Variants in PNPLA6 observed in about 807,000 individuals in gnomAD.
PNPLA6 encodes the protein patatin-like phospholipase domain-containing protein 6.
Under a neutral mutation model 153.7 loss-of-function variants are expected in PNPLA6, and 105 were observed. The ratio of observed to expected loss-of-function variants is 0.68; its 90% CI spans 0.58 to 0.80. The LOEUF is 0.80. Among genes scored for constraint, PNPLA6 ranks in the 30% least tolerant of loss-of-function variants. PNPLA6 has a pLI of 0.00. For synonymous variants in PNPLA6, 825 were observed against 822.2 expected, an observed-to-expected ratio of 1.00 and a Z score of -0.06; for missense variants, 1,423 against 1,919.3, an observed-to-expected ratio of 0.74 and a Z score of 4.83.
Position 7,554,241 on chromosome 19 carries a change from C to T in PNPLA6, c.2434C>T (p.Arg812Trp). Residue 812 changes from arginine (R) to tryptophan (W), a missense_variant, in exon 20 of 32, where the codon CGG (arginine) becomes TGG (tryptophan). Arg to Trp is a moderately radical substitution (Grantham distance 101, BLOSUM62 -3). Transcript: ENST00000600737. ...GCTACTCCTTAACAGTGACATCATC[C>T]GGGCACGCCTGGGGGCCTCCGCACT... ...PTLLLNSDII[R>W]ARLGASALDS... 1.2e-6 allele frequency: 2 copies of T among 1,611,532 alleles called. No individual in the cohort carries two copies. The highest frequency in any genetic ancestry group is 8.5e-7 in the Non-Finnish European group (1 of 1,178,560).
In PNPLA6 at chr19:7,551,071, G is replaced by T. The variant is rs1425497937; in HGVS notation, c.2148G>T (p.Glu716Asp). ...ACACGGAGCTGGCCAAGCTTCCCGA[G>T]GGCACCTTGGGTCACATCAAACGCC... ...VRDTELAKLP[E>D]GTLGHIKRRY... Residue 716 changes from glutamate to aspartate, a missense_variant, in exon 17 of 32, where the codon GAG (glutamate) becomes GAT (aspartate). Coordinates refer to ENST00000600737, the MANE Select transcript of PNPLA6 (RefSeq NM_001166114.2). 9 of 1,549,638 alleles carry T rather than the reference G, an allele frequency of 5.8e-6. No homozygotes were observed. The highest frequency in any genetic ancestry group is 7.0e-6 in the Non-Finnish European group (8 of 1,146,806).
In PNPLA6 at chr19:7,547,822, T is replaced by A. The variant is rs374620614; in HGVS notation, c.1609-2085T>A. 7.3e-4 allele frequency among the ~76,000 whole-genome samples: 30 copies of A among 41,328 alleles called. 1 individual carries two copies. The highest frequency in any genetic ancestry group is 3.3e-3 in the Admixed American group (10 of 3,062). 27.1% of individuals were successfully genotyped at this position (41,328 alleles called of 152,430 possible). A position where few individuals can be genotyped will look rare whatever the true frequency, so the allele number is the denominator to read the frequency against. On this transcript the variant is annotated intron_variant, in intron 13 of 31. Coordinates refer to ENST00000600737, the MANE Select transcript of PNPLA6 (RefSeq NM_001166114.2). ...CTGGCTAATTAAAAATTTTTTTTTT[T>A]TTTTTTTTTTTTTTTTTTTTTGTAG...
chr19:7,554,787 G>C, intron 21 of PNPLA6, 64 bp downstream of exon 21: 1 of 1,595,412 alleles, frequency 6.3e-7, no homozygotes. Context: ...TCCCGTGCCT[G>C]CACCAGGCCA....
chr19:7,540,374 T>C lies in PNPLA6; in HGVS notation c.714+66T>C. On this transcript the variant is annotated intron_variant, in intron 5 of 31. Coordinates refer to ENST00000600737, the MANE Select transcript of PNPLA6 (RefSeq NM_001166114.2). This position sits in a 1 kb window ranked among gnomAD's most constrained non-coding sequence, Gnocchi z 6.8. ...GGTGGGGATGGGCAGCAGGCATTGG[T>C]CTGTAGAGCTGGTGGTCTTTGGAGA... The C allele has an allele frequency of 6.6e-7, 1 of 1,515,650 alleles. No homozygotes were observed. The highest frequency in any genetic ancestry group is 8.9e-7 in the Non-Finnish European group (1 of 1,121,702). 93.9% of individuals were successfully genotyped at this position (1,515,650 alleles called of 1,614,324 possible).
intron 1 of PNPLA6, 64 bp from the exon 2 acceptor site, chr19:7,536,127 C>T (rs1328988950): frequency 4.6e-6 from 7 of 1,532,600 alleles, no homozygotes; most frequent in Middle Eastern, 1.8e-4. Flanking sequence ...TTCGCGGTAC[C>T]CCAGCTCTGG....
rs1427050342 is a variant in PNPLA6 at position 7,561,608 on chromosome 19, CT to C, written c.*47del. ...CCCTCCCTCCCACCCCTGGACTGGG[CT>C]GGGGGTGGCCCCGTGGGGGTAGCTC... On this transcript the variant is annotated 3_prime_UTR_variant, in exon 32 of 32. Transcript: ENST00000600737. 1 of 1,376,594 alleles carries C rather than the reference CT, an allele frequency of 7.3e-7. No homozygotes were observed. The highest frequency in any genetic ancestry group is 2.5e-5 in the East Asian group (1 of 40,598). 85.3% of individuals were successfully genotyped at this position (1,376,594 alleles called of 1,614,324 possible).
Position 7,542,994 on chromosome 19 carries a change from C to A in PNPLA6, c.1531-13C>A. On this transcript the variant is annotated splice_polypyrimidine_tract_variant and intron_variant, in intron 12 of 31. Transcript: ENST00000600737. ...GCCTGGCTGCGCCCATCTCAACCCCCCTACCTCCCCAGGACCCCTCCCTCC... is the reference window on the plus strand; with the variant it reads ...GCCTGGCTGCGCCCATCTCAACCCCACTACCTCCCCAGGACCCCTCCCTCC... 2 of 1,613,986 alleles carry A rather than the reference C, an allele frequency of 1.2e-6. No homozygotes were observed. Among genetic ancestry groups the A allele is most frequent in the Non-Finnish European group, 1.7e-6 (2 of 1,179,970 alleles).
intron 13 of PNPLA6, among the ~76,000 whole-genome samples, chr19:7,544,658 T>TG (rs2023308878): frequency 6.6e-6 from 1 of 151,726 alleles, no homozygotes; most frequent in African/African-American, 2.4e-5. Flanking sequence ...GCCCCAGGCT[T>TG]GGGGGAGAGA....
Position 7,540,869 on chromosome 19 carries a change from A to G in PNPLA6, c.796-54A>G, listed in dbSNP as rs1599273496. 1 of 1,611,386 alleles carries G rather than the reference A, an allele frequency of 6.2e-7. No homozygotes were observed. The highest frequency in any genetic ancestry group is 1.3e-5 in the African/African-American group (1 of 74,968). On this transcript the variant is annotated intron_variant, in intron 6 of 31. Coordinates refer to ENST00000600737, the MANE Select transcript of PNPLA6 (RefSeq NM_001166114.2). The surrounding 1 kb of genome is among the most constrained non-coding windows in gnomAD (Gnocchi z 6.8). ...GCCAGGAAGGATTAGGGGAGTAGCG[A>G]GGGGGACTCGCAGCCTCTGCCCTTG...
chr19:7,550,258 T>C (rs1370937983), intron 14 of PNPLA6, 40 bp from the exon 15 acceptor site: 1 of 1,612,856 alleles, frequency 6.2e-7, no homozygotes, highest in South Asian at 1.1e-5. Flanking sequence ...GTAGGACGGT[T>C]TTGAGGCCTT....
At chr19:7,536,926 CAAAAAAA>C (rs56310906) in intron 3 of PNPLA6, among the ~76,000 whole-genome samples, 8 of 53,976 alleles carry the variant, frequency 1.5e-4, no homozygotes, top group Admixed American at 2.1e-4. Flanking sequence ...GACTCTGTCT[CAAAAAAA>C]AAAAAAAAAA....
chr19:7,536,431 C>T lies in PNPLA6; in HGVS notation c.316-18C>T, dbSNP rs530792429. Reference sequence around the variant, plus strand: ...GTCTGAATTAGCAATTCACCCATCTCCGCCTTCATTCTCCCAGGTGTCACA... The same window carrying T: ...GTCTGAATTAGCAATTCACCCATCTTCGCCTTCATTCTCCCAGGTGTCACA... On this transcript the variant is annotated intron_variant, in intron 2 of 31. Coordinates refer to ENST00000600737, the MANE Select transcript of PNPLA6 (RefSeq NM_001166114.2). 1.4e-4 allele frequency: 220 copies of T among 1,582,048 alleles called. 5 individuals carry two copies. In the South Asian group the frequency reaches 2.3e-3, roughly 16 times the overall value.
chr19:7,554,118 C>A, intron 19 of PNPLA6, 91 bp from the exon 20 acceptor site: 1 of 1,570,690 alleles, frequency 6.4e-7, no homozygotes, highest in Non-Finnish European at 8.8e-7. Context: ...GGAACAGGGC[C>A]ACAGGGGCGG....
chr19:7,555,313 C>T lies in PNPLA6; in HGVS notation c.2882C>T (p.Ala961Val). The T allele has an allele frequency of 6.3e-7, 1 of 1,581,562 alleles. No individual in the cohort carries two copies. Residue 961 changes from alanine to valine, a missense_variant, in exon 23 of 32, where the codon GCG (alanine) becomes GTG (valine). By Grantham distance (64) the Ala-to-Val change is moderately conservative. Around this residue, in one of 10 missense-constraint regions of PNPLA6, gnomAD observed 643 missense variants for 835.2 expected, o/e 0.77. Transcript: ENST00000600737. The surrounding 1 kb of genome is among the most constrained non-coding windows in gnomAD (Gnocchi z 6.3). ...ADRHSDFSRL[A>V]RVLTGNTIAL... Reference sequence around the variant, plus strand: ...CGGCACAGCGACTTCTCCCGCTTGGCGAGGGTGCTCACGGGGAACACCATT... The same window carrying T: ...CGGCACAGCGACTTCTCCCGCTTGGTGAGGGTGCTCACGGGGAACACCATT...
In PNPLA6 at chr19:7,555,489, C is replaced by G; in HGVS notation, c.2937-118C>G. On this transcript the variant is annotated intron_variant, in intron 23 of 31. Coordinates refer to ENST00000600737, the MANE Select transcript of PNPLA6 (RefSeq NM_001166114.2). The surrounding 1 kb of genome is among the most constrained non-coding windows in gnomAD (Gnocchi z 6.3). The stretch of plus-strand genomic sequence containing the variant: ...GTGGAGCTTCCCCTCCGGGAGAGAC[C>G]CCGTGGGTAGGGGCGGGTCCTTTGT... The G allele has an allele frequency of 7.2e-7, 1 of 1,383,112 alleles. No homozygotes were observed. The highest frequency in any genetic ancestry group is 1.3e-5 in the South Asian group (1 of 78,168). 85.7% of individuals were successfully genotyped at this position (1,383,112 alleles called of 1,614,324 possible).
chr19:7,558,838 C>T lies in PNPLA6; in HGVS notation c.3398-12C>T. ...CGAGGGGAGCAGCCCGCTGACCCCC[C>T]TGGCCCCACAGCGGACATCGCCCGC... is the stretch of plus-strand genomic sequence containing the variant. On this transcript the variant is annotated splice_polypyrimidine_tract_variant and intron_variant, in intron 27 of 31. Coordinates refer to ENST00000600737, the MANE Select transcript of PNPLA6 (RefSeq NM_001166114.2). The T allele has an allele frequency of 5.0e-6, 8 of 1,601,606 alleles. No homozygotes were observed. Among genetic ancestry groups the T allele is most frequent in the African/African-American group, 2.7e-5 (2 of 74,964 alleles).
At chr19:7,542,349 T>TTTTTC (rs1467745792) in intron 10 of PNPLA6, among the ~76,000 whole-genome samples, 1 of 152,120 alleles carries the variant, frequency 6.6e-6, no homozygotes, top group Non-Finnish European at 1.5e-5. Flanking sequence ...TACTCTCATC[T>TTTTTC]TTTTCTTTTC....
At position 7,553,474 on chromosome 19, in the gene PNPLA6, GC is replaced by G. The variant is rs368189200; in HGVS notation, c.2261-400del. Among the ~76,000 whole-genome samples the G allele has an allele frequency of 3.2e-4, 49 of 152,242 alleles. No homozygotes were observed. In the East Asian group the frequency reaches 8.3e-3, roughly 26 times the overall value. ...CTCCATGTTGGCTAGGCTAAAAATA[GC>G]TTTATTTCTGCCTCGTTTTATGTTC... On this transcript the variant is annotated intron_variant, in intron 18 of 31. Coordinates refer to ENST00000600737, the MANE Select transcript of PNPLA6 (RefSeq NM_001166114.2).
At chr19:7,535,304 C>G (rs901752713), upstream of PNPLA6, 1 of 604,078 alleles carries the variant, frequency 1.7e-6, no homozygotes, top group Non-Finnish European at 3.0e-6. The surrounding 1 kb of genome is among the most constrained non-coding windows in gnomAD (Gnocchi z 5.0). Context: ...GGGGACCCGC[C>G]TCATCTCCTG....
Sources: allele counts gnomAD v4.1 joint callset (sites outside exome capture counted in the v4.1 genomes callset), GRCh38; gene constraint gnomAD v4.1.1; regional missense constraint gnomAD v4.1.1; non-coding constraint Gnocchi (gnomAD v3.1); transcripts MANE v1.5; gene names NCBI Gene and HGNC (gene_info 2026-07-23, HGNC 2026-07-21).